The following IMMP2L variants were observed in gnomAD, a reference collection of about 807,000 sequenced individuals.
The protein encoded by IMMP2L is inner mitochondrial membrane peptidase subunit 2.
A neutral mutation model predicts 19.3 loss-of-function variants in IMMP2L; 18 were observed. The ratio of observed to expected loss-of-function variants is 0.93; its 90% CI spans 0.64 to 1.38. IMMP2L has a LOEUF of 1.38. Among genes scored for constraint, IMMP2L ranks in the 40% most tolerant of loss-of-function variants. The pLI is 0.00. For missense variants in IMMP2L, 233 were observed against 218.2 expected (o/e 1.07, Z -0.43); for synonymous variants, 76 against 73.0 (o/e 1.04, Z -0.21).
chr7:110,829,116 A>G (rs2131374177), intron 5 of IMMP2L, among the ~76,000 whole-genome samples: 1 of 152,196 alleles, frequency 6.6e-6, no homozygotes, highest in African/African-American at 2.4e-5. Flanking sequence ...TGGTATTATT[A>G]TTGTCTTTTT....
chr7:110,818,537 A>C (rs1449362946), intron 5 of IMMP2L, among the ~76,000 whole-genome samples: 3 of 152,274 alleles, frequency 2.0e-5, no homozygotes, highest in East Asian at 3.9e-4. Flanking sequence ...TAGTTCAACC[A>C]TTGTGGAAGT....
intron 5 of IMMP2L, among the ~76,000 whole-genome samples, chr7:110,722,711 T>C (rs1037021552): frequency 6.6e-6 from 1 of 152,116 alleles, no homozygotes; most frequent in African/African-American, 2.4e-5. Context: ...ACATATACCA[T>C]TATTTCCAGT....
At chr7:111,304,847 T>C (rs538548412) in intron 3 of IMMP2L, among the ~76,000 whole-genome samples, 1 of 152,102 alleles carries the variant, frequency 6.6e-6, no homozygotes, top group South Asian at 2.1e-4. Flanking sequence ...TTACCTTTCC[T>C]ATTTTCCTCA....
intron 3 of IMMP2L, among the ~76,000 whole-genome samples, chr7:111,278,633 C>T (rs1004174631): frequency 6.6e-6 from 1 of 152,074 alleles, no homozygotes; most frequent in Non-Finnish European, 1.5e-5. Flanking sequence ...TTTGTATTAA[C>T]GCTCCAACTG....
chr7:111,128,071 G>A (rs1212830980), intron 3 of IMMP2L, among the ~76,000 whole-genome samples: 1 of 151,968 alleles, frequency 6.6e-6, no homozygotes, highest in African/African-American at 2.4e-5. Flanking sequence ...ACTTATTTTA[G>A]TGTTAAAGTT....
chr7:110,793,745 T>A (rs900416201), intron 5 of IMMP2L, among the ~76,000 whole-genome samples: 1 of 152,130 alleles, frequency 6.6e-6, no homozygotes, highest in African/African-American at 2.4e-5. Context: ...TCTCACCACA[T>A]ACATGCTTAA....
chr7:111,227,424 T>A (rs779229340), intron 3 of IMMP2L, among the ~76,000 whole-genome samples: 1 of 152,176 alleles, frequency 6.6e-6, no homozygotes, highest in Non-Finnish European at 1.5e-5. Flanking sequence ...GATATCTCCC[T>A]GTTTTCTTTT....
intron 5 of IMMP2L, among the ~76,000 whole-genome samples, chr7:110,817,371 A>G (rs899601266): frequency 6.6e-6 from 1 of 152,074 alleles, no homozygotes; most frequent in Non-Finnish European, 1.5e-5. Flanking sequence ...AATTGCTTCA[A>G]AGAGAATAAA....
intron 1 of IMMP2L, among the ~76,000 whole-genome samples, chr7:111,557,375 TG>T (rs1332239632): frequency 6.6e-6 from 1 of 152,198 alleles, no homozygotes; most frequent in East Asian, 1.9e-4. Flanking sequence ...TACCCTGAAC[TG>T]GCTAACCAGT....
chr7:111,378,977 AACC>A (rs1457911262), intron 3 of IMMP2L, among the ~76,000 whole-genome samples: 2 of 151,838 alleles, frequency 1.3e-5, no homozygotes, highest in Admixed American at 6.6e-5. Context: ...AACATATAAT[AACC>A]ATGTTGTTAC....
intron 3 of IMMP2L, among the ~76,000 whole-genome samples, chr7:111,002,054 A>G (rs1203677580): frequency 1.3e-5 from 2 of 152,140 alleles, no homozygotes; most frequent in Non-Finnish European, 2.9e-5. Flanking sequence ...CAATAATACT[A>G]TAATAACTAT....
intron 5 of IMMP2L, among the ~76,000 whole-genome samples, chr7:110,814,409 C>T (rs1163006148): frequency 1.3e-5 from 2 of 149,192 alleles, no homozygotes; most frequent in African/African-American, 4.9e-5. Flanking sequence ...ATGTATATGA[C>T]CTTGAGGAAA....
chr7:110,675,748 CAA>C (rs1156368634), intron 5 of IMMP2L, among the ~76,000 whole-genome samples: 1 of 152,082 alleles, frequency 6.6e-6, no homozygotes, highest in African/African-American at 2.4e-5. Context: ...AAGATAATCA[CAA>C]ATGAAACTTT....
chr7:111,124,024 A>G (rs1800979866), intron 3 of IMMP2L: 1 of 1,614,078 alleles, frequency 6.2e-7, no homozygotes, highest in East Asian at 2.2e-5. Context: ...CATGATGGAA[A>G]TTTGTCTCCC....
chr7:110,792,017 A>G (rs7803759), intron 5 of IMMP2L, among the ~76,000 whole-genome samples: 123,897 of 151,644 alleles, frequency 0.82, 51,703 homozygotes, highest in East Asian at 0.91. Context: ...CTTGCATCTT[A>G]CCCTTCAAAG....
rs2051798 is a variant in IMMP2L at position 111,086,461 on chromosome 7, T to A, written c.240-122896A>T. On this transcript the variant is annotated intron_variant, in intron 3 of 5. Coordinates refer to ENST00000405709, the MANE Select transcript of IMMP2L (RefSeq NM_032549.4). ...TGTCTCAAAAATAAAGAAAAAAAAA[T>A]TAAAATTAAAACAAAACCTATAGGT... Among the ~76,000 whole-genome samples the A allele has an allele frequency of 3.5e-3, 18 of 5,126 alleles. No homozygotes were observed. The South Asian group carries it at 0.037, about 10-fold the overall frequency. The allele number at this position is 5,126 out of a possible 152,430, so 3.4% of individuals were successfully genotyped here. A position where few individuals can be genotyped will look rare whatever the true frequency, so the allele number is the denominator to read the frequency against.
chr7:110,933,556 C>G (rs1414913535), intron 4 of IMMP2L, among the ~76,000 whole-genome samples: 1 of 152,160 alleles, frequency 6.6e-6, no homozygotes, highest in Non-Finnish European at 1.5e-5. Flanking sequence ...TTTTTTAACA[C>G]AGGGCTCAAG....
At chr7:110,928,379 A>G (rs1287434846) in intron 4 of IMMP2L, among the ~76,000 whole-genome samples, 1 of 149,664 alleles carries the variant, frequency 6.7e-6, no homozygotes, top group Non-Finnish European at 1.5e-5. Context: ...ACACACACAC[A>G]CACACACACA....
chr7:111,547,687 C>G (rs1849061396), intron 1 of IMMP2L, among the ~76,000 whole-genome samples: 1 of 151,152 alleles, frequency 6.6e-6, no homozygotes, highest in South Asian at 2.1e-4. Context: ...TCCTGAGTAG[C>G]TGGGACTACC....
Sources: gnomAD v4.1 joint callset for allele counts (sites outside exome capture counted in the v4.1 genomes callset) on GRCh38, gnomAD v4.1.1 for gene constraint, MANE v1.5 for transcripts, NCBI Gene and HGNC (gene_info 2026-07-23, HGNC 2026-07-21) for gene names.